Variants in CFAP54 observed in about 807,000 individuals in gnomAD.
CFAP54 encodes cilia and flagella associated protein 54, also known as cilia- and flagella-associated protein 54.
CFAP54 carries 290 observed loss-of-function variants against 370.4 expected under a neutral mutation model. The ratio of observed to expected loss-of-function variants is 0.78; its 90% CI spans 0.71 to 0.86. The LOEUF (loss-of-function observed/expected upper bound fraction) is 0.86, where lower values mean the gene tolerates loss of function less well. Among genes scored for constraint, CFAP54 ranks in the 40% least tolerant of loss-of-function variants. The pLI, the probability that CFAP54 is intolerant of heterozygous loss-of-function variation, is 0.00. For missense variants in CFAP54, 3,399 were observed against 3,528.7 expected, an observed-to-expected ratio of 0.96 and a Z score of 0.93; for synonymous variants, 1,206 against 1,236.5, an observed-to-expected ratio of 0.98 and a Z score of 0.52.
intron 66 of CFAP54, among the ~76,000 whole-genome samples, chr12:96,859,211 G>T (rs921668049): frequency 6.6e-6 from 1 of 152,136 alleles, no homozygotes. Flanking sequence ...ATAAGCAGAA[G>T]ACTGAAGCTG....
chr12:96,813,466 G>A (rs1565987465), intron 64 of CFAP54, among the ~76,000 whole-genome samples: 1 of 152,052 alleles, frequency 6.6e-6, no homozygotes, highest in Non-Finnish European at 1.5e-5. Flanking sequence ...AAGAAACTTG[G>A]ATAACCTGCA....
intron 21 of CFAP54, 79 bp downstream of exon 21, chr12:96,580,768 G>A: frequency 8.7e-7 from 1 of 1,150,138 alleles, no homozygotes; most frequent in Non-Finnish European, 1.2e-6. Flanking sequence ...CATTGTTTTG[G>A]TGAATCTCTC....
chr12:96,554,726 TTTCATGA>T lies in CFAP54; in HGVS notation c.2336_2342del (p.Phe779TrpfsTer7). On this transcript the variant is annotated frameshift_variant, in exon 17 of 68. Coordinates refer to ENST00000524981, the MANE Select transcript of CFAP54 (RefSeq NM_001306084.2). LOFTEE classifies it high-confidence loss of function. ...CTTACAAACCACTTGCCTCAAATAG[TTTCATGA>T]TGGATTTGCATCTTGAACTAATTCA... is the stretch of plus-strand genomic sequence containing the variant. The T allele has an allele frequency of 6.5e-7, 1 of 1,535,138 alleles. No homozygotes were observed. Among genetic ancestry groups the T allele is most frequent in the Non-Finnish European group, 8.7e-7 (1 of 1,146,226 alleles).
intron 48 of CFAP54, among the ~76,000 whole-genome samples, chr12:96,713,599 G>A: frequency 6.6e-6 from 1 of 152,086 alleles, no homozygotes; most frequent in Non-Finnish European, 1.5e-5. Context: ...AACTTGTTAT[G>A]GTAGAAAAAT....
intron 1 of CFAP54, among the ~76,000 whole-genome samples, chr12:96,492,965 ACC>A (rs1954902467): frequency 6.6e-6 from 1 of 150,638 alleles, no homozygotes. Flanking sequence ...ACTGCACTCC[ACC>A]CTGGATGACA....
At chr12:96,599,007 A>G (rs1483151755) in intron 26 of CFAP54, among the ~76,000 whole-genome samples, 1 of 151,648 alleles carries the variant, frequency 6.6e-6, no homozygotes, top group Non-Finnish European at 1.5e-5. Flanking sequence ...TAGTATATCT[A>G]TCTATATATT....
intron 62 of CFAP54, among the ~76,000 whole-genome samples, chr12:96,790,352 T>A (rs551206794): frequency 1.3e-5 from 2 of 151,188 alleles, no homozygotes; most frequent in Admixed American, 6.6e-5. Context: ...AAAAAAAAAA[T>A]AGAATAAAAG....
At chr12:96,772,297 G>C (rs915624389) in intron 60 of CFAP54, among the ~76,000 whole-genome samples, 1 of 152,080 alleles carries the variant, frequency 6.6e-6, no homozygotes, top group Non-Finnish European at 1.5e-5. Flanking sequence ...GTCCAAAATA[G>C]GTCTTATTGG....
At chr12:96,613,986 A>C (rs1350597931) in intron 26 of CFAP54, among the ~76,000 whole-genome samples, 1 of 152,190 alleles carries the variant, frequency 6.6e-6, no homozygotes, top group Non-Finnish European at 1.5e-5. Context: ...CAATAGAAAA[A>C]GAGGGAATCC....
At chr12:96,678,994 A>G (rs73377698) in intron 39 of CFAP54, among the ~76,000 whole-genome samples, 3,196 of 152,274 alleles carry the variant, frequency 0.021, 123 homozygotes, top group African/African-American at 0.073. Context: ...TGTATGCAGC[A>G]ATGCTGCAGC....
At chr12:96,687,039 T>C (rs1592708777) in intron 42 of CFAP54, among the ~76,000 whole-genome samples, 3 of 152,192 alleles carry the variant, frequency 2.0e-5, no homozygotes, top group Admixed American at 6.5e-5. Context: ...TCTTGAGGTC[T>C]CTTGCATTCC....
chr12:96,758,197 A>G (rs1958286650), intron 58 of CFAP54, among the ~76,000 whole-genome samples: 1 of 152,158 alleles, frequency 6.6e-6, no homozygotes, highest in Non-Finnish European at 1.5e-5. Context: ...CAGAGGAGGA[A>G]AGGTGGGAGG....
chr12:96,544,719 T>C (rs1426021417), intron 14 of CFAP54, among the ~76,000 whole-genome samples: 1 of 152,172 alleles, frequency 6.6e-6, no homozygotes, highest in East Asian at 1.9e-4. Context: ...TTACTTAGAA[T>C]ACCTGAAACT....
At chr12:96,603,034 A>G (rs1093234) in intron 26 of CFAP54, among the ~76,000 whole-genome samples, 120,762 of 152,144 alleles carry the variant, frequency 0.79, 48,098 homozygotes, top group East Asian at 0.86. Context: ...GTTAATTGAT[A>G]CACTTTCTTC....
intron 66 of CFAP54, among the ~76,000 whole-genome samples, chr12:96,854,113 G>A (rs970185656): frequency 6.6e-5 from 10 of 151,696 alleles, no homozygotes; most frequent in African/African-American, 2.4e-4. Context: ...TTATTTCTTT[G>A]TTTCCTACCT....
chr12:96,841,161 C>T lies in CFAP54; in HGVS notation c.9171+12073C>T, dbSNP rs181589548. On this transcript the variant is annotated intron_variant, in intron 66 of 67. Transcript: ENST00000524981. ...TTTAAACTGAGATATCATGATGAAC[C>T]TGATACTGTGTATTTACTGTGAACG... is the stretch of plus-strand genomic sequence containing the variant. Among the ~76,000 whole-genome samples the T allele has an allele frequency of 2.0e-5, 3 of 152,280 alleles. No individual in the cohort carries two copies. The East Asian group carries it at 5.8e-4, about 29-fold the overall frequency.
At chr12:96,716,957 C>A (rs1421227168) in intron 48 of CFAP54, among the ~76,000 whole-genome samples, 3 of 152,272 alleles carry the variant, frequency 2.0e-5, no homozygotes, top group African/African-American at 7.2e-5. Flanking sequence ...TTGTTGGTAT[C>A]AGCTATGCAA....
At chr12:96,771,547 G>A (rs1173326798) in intron 60 of CFAP54, among the ~76,000 whole-genome samples, 4 of 152,220 alleles carry the variant, frequency 2.6e-5, no homozygotes, top group African/African-American at 9.7e-5. Context: ...AGCTACTCGG[G>A]AGGCTGAGGC....
At chr12:96,817,566 G>A (rs193194340) in intron 64 of CFAP54, among the ~76,000 whole-genome samples, 19 of 151,932 alleles carry the variant, frequency 1.3e-4, no homozygotes, top group Admixed American at 2.0e-4. Flanking sequence ...CACTACAGGC[G>A]CCTGCCACCA....
Sources: allele counts gnomAD v4.1 joint callset (sites outside exome capture counted in the v4.1 genomes callset), GRCh38; gene constraint gnomAD v4.1.1; transcripts MANE v1.5; gene names NCBI Gene and HGNC (gene_info 2026-07-23, HGNC 2026-07-21).